Variants in WWTR1 observed in about 807,000 individuals in gnomAD.
The protein encoded by WWTR1 is WW domain containing transcription regulator 1, also known as WW domain-containing transcription regulator protein 1.
WWTR1 carries 13 observed loss-of-function variants against 40.1 expected under a neutral mutation model. The observed-to-expected ratio is 0.32, with a 90% CI of 0.21 to 0.52. The LOEUF is 0.52. WWTR1 is among the 20% of genes least tolerant of loss of function. The probability of loss-of-function intolerance (pLI) is 0.97; values close to 1 mark genes in which losing one functional copy is unlikely to be tolerated. For synonymous variants in WWTR1, 230 were observed against 210.1 expected (o/e 1.09, Z -0.82); for missense variants, 436 against 523.1 (o/e 0.83, Z 1.63).
intron 2 of WWTR1, among the ~76,000 whole-genome samples, chr3:149,600,519 C>T (rs1414124318): frequency 6.6e-6 from 1 of 152,172 alleles, no homozygotes; most frequent in South Asian, 2.1e-4. Context: ...ACACTCACTC[C>T]ACTCACCTGA....
chr3:149,543,346 G>C (rs991346707), intron 3 of WWTR1, among the ~76,000 whole-genome samples: 4 of 151,942 alleles, frequency 2.6e-5, no homozygotes, highest in African/African-American at 9.7e-5. Context: ...ACTTTGGAAG[G>C]CCAAGGCGAA....
chr3:149,594,151 A>C (rs1211390548), intron 2 of WWTR1, among the ~76,000 whole-genome samples: 1 of 152,048 alleles, frequency 6.6e-6, no homozygotes, highest in African/African-American at 2.4e-5. Context: ...AATTACCTCC[A>C]TTTTTTTCAA....
At chr3:149,560,388 C>A (rs1474168330) in intron 3 of WWTR1, among the ~76,000 whole-genome samples, 3 of 152,222 alleles carry the variant, frequency 2.0e-5, no homozygotes, top group Admixed American at 6.5e-5. Flanking sequence ...CCCTAGGCTG[C>A]AGTGACCCAG....
chr3:149,521,109 T>A (rs1340502574), intron 6 of WWTR1, 120 bp from the exon 7 acceptor site: 1 of 1,186,870 alleles, frequency 8.4e-7, no homozygotes, highest in African/African-American at 1.6e-5. Context: ...TATTGACCCT[T>A]ACTCATAAGA....
At chr3:149,524,377 C>T (rs1179750422) in intron 6 of WWTR1, among the ~76,000 whole-genome samples, 1 of 137,420 alleles carries the variant, frequency 7.3e-6, no homozygotes, top group Non-Finnish European at 1.5e-5. Flanking sequence ...ATCTCCTGAG[C>T]TTTTTTCCTT....
intron 2 of WWTR1, among the ~76,000 whole-genome samples, chr3:149,621,105 C>G (rs1359300165): frequency 5.3e-5 from 8 of 152,202 alleles, no homozygotes; most frequent in African/African-American, 1.7e-4. Flanking sequence ...GAATAACATG[C>G]TTTTTCTACC....
chr3:149,598,483 C>T (rs1739102408), intron 2 of WWTR1, among the ~76,000 whole-genome samples: 1 of 152,344 alleles, frequency 6.6e-6, no homozygotes, highest in South Asian at 2.1e-4. Flanking sequence ...GACTGGCACT[C>T]AAGCCAAGCA....
At chr3:149,720,003 A>T (rs1715718822) in intron 4 of WWTR1, among the ~76,000 whole-genome samples, 1 of 152,210 alleles carries the variant, frequency 6.6e-6, no homozygotes. Flanking sequence ...GGAGTTCTCC[A>T]TATATTCTGG....
chr3:149,556,365 G>C (rs145845949), intron 3 of WWTR1, among the ~76,000 whole-genome samples: 2,247 of 152,288 alleles, frequency 0.015, 55 homozygotes, highest in African/African-American at 0.051. Context: ...CAGATCACAA[G>C]GTCAGGAGTT....
intron 5 of WWTR1, among the ~76,000 whole-genome samples, chr3:149,716,376 C>A (rs1031118323): frequency 1.3e-5 from 2 of 151,238 alleles, no homozygotes; most frequent in Admixed American, 1.3e-4. Context: ...AGGGAGACTC[C>A]ATCTCAAAAA....
chr3:149,679,129 C>T (rs1714370944), intron 1 of WWTR1, among the ~76,000 whole-genome samples: 1 of 152,198 alleles, frequency 6.6e-6, no homozygotes, highest in Non-Finnish European at 1.5e-5. Flanking sequence ...CTGCGCCTGG[C>T]CCAAGGCCAT....
chr3:149,641,579 T>C (rs577914950), intron 2 of WWTR1, among the ~76,000 whole-genome samples: 2 of 152,346 alleles, frequency 1.3e-5, no homozygotes, highest in East Asian at 3.9e-4. Flanking sequence ...CTTGACTCAC[T>C]TCACTACGGC....
intron 2 of WWTR1, among the ~76,000 whole-genome samples, chr3:149,649,439 T>C (rs1712721202): frequency 6.6e-6 from 1 of 152,258 alleles, no homozygotes. Flanking sequence ...GTGGTGTTTG[T>C]GCCAGGCACT....
At chr3:149,681,583 T>C (rs1376337503) in intron 1 of WWTR1, among the ~76,000 whole-genome samples, 2 of 152,164 alleles carry the variant, frequency 1.3e-5, no homozygotes, top group Non-Finnish European at 2.9e-5. Flanking sequence ...TTTTATCCAA[T>C]AGAATTGACA....
rs560611035 is a variant in WWTR1 at position 149,553,657 on chromosome 3, C to T, written c.569-11120G>A. On this transcript the variant is annotated intron_variant, in intron 3 of 6. Coordinates refer to ENST00000360632, the MANE Select transcript of WWTR1 (RefSeq NM_015472.6). ...GAGGCTTTGTGGGAATAATGATATG[C>T]AACTGAAAGAAGCAAGCCAAAACAT... is the stretch of plus-strand genomic sequence containing the variant. Among the ~76,000 whole-genome samples, 5 of 152,290 alleles carry T rather than the reference C, an allele frequency of 3.3e-5. No individual in the cohort carries two copies. In the South Asian group the frequency reaches 1.0e-3, roughly 32 times the overall value.
intron 2 of WWTR1, among the ~76,000 whole-genome samples, chr3:149,616,920 A>AGGAG (rs1254981936): frequency 6.6e-6 from 1 of 152,190 alleles, no homozygotes; most frequent in East Asian, 1.9e-4. Flanking sequence ...AAAAGTAAGA[A>AGGAG]GGAGGGAGGG....
chr3:149,600,228 G>T (rs889811225), intron 2 of WWTR1, among the ~76,000 whole-genome samples: 2 of 152,190 alleles, frequency 1.3e-5, no homozygotes, highest in South Asian at 4.2e-4. Context: ...AATCAAATGG[G>T]GCAAGGGCCT....
At chr3:149,658,986 A>G (rs1471838746), upstream of WWTR1, among the ~76,000 whole-genome samples, 1 of 152,136 alleles carries the variant, frequency 6.6e-6, no homozygotes, top group Non-Finnish European at 1.5e-5. Flanking sequence ...CTTCCCACCA[A>G]CTAGATCTGG....
intron 4 of WWTR1, among the ~76,000 whole-genome samples, chr3:149,537,946 G>A (rs1424781511): frequency 1.3e-5 from 2 of 151,262 alleles, no homozygotes; most frequent in African/African-American, 2.4e-5. Flanking sequence ...TTGAGACAGA[G>A]TCTCACTCTG....
Sources: gnomAD v4.1 joint callset for allele counts (sites outside exome capture counted in the v4.1 genomes callset) on GRCh38, gnomAD v4.1.1 for gene constraint, MANE v1.5 for transcripts, NCBI Gene and HGNC (gene_info 2026-07-23, HGNC 2026-07-21) for gene names.